Variants in SLC38A1 observed in about 807,000 individuals in gnomAD.
SLC38A1 encodes solute carrier family 38 member 1, also known as sodium-coupled neutral amino acid symporter 1.
SLC38A1 carries 18 observed loss-of-function variants against 60.3 expected under a neutral mutation model. The ratio of observed to expected loss-of-function variants is 0.30; its 90% CI spans 0.21 to 0.44. SLC38A1 has a LOEUF of 0.44. Among genes scored for constraint, SLC38A1 ranks in the 20% least tolerant of loss-of-function variants. SLC38A1 has a pLI of 1.00. For synonymous variants in SLC38A1, 196 were observed against 212.1 expected, an observed-to-expected ratio of 0.92 and a Z score of 0.66; for missense variants, 448 against 587.2, an observed-to-expected ratio of 0.76 and a Z score of 2.45.
intron 5 of SLC38A1, among the ~76,000 whole-genome samples, chr12:46,209,803 A>G (rs1473444742): frequency 1.3e-5 from 2 of 152,178 alleles, no homozygotes; most frequent in Admixed American, 6.5e-5. Flanking sequence ...TTGTTTTAGT[A>G]CATCTGGGTC....
In SLC38A1 at chr12:46,239,843, C is replaced by A. The variant is rs1245405025; in HGVS notation, c.-43G>T. 6.2e-7 allele frequency: 1 copy of A among 1,607,084 alleles called. No homozygotes were observed. The highest frequency in any genetic ancestry group is 1.3e-5 in the African/African-American group (1 of 74,854). On this transcript the variant is annotated 5_prime_UTR_variant, in exon 3 of 17. Transcript: ENST00000398637. ...AGTTTGAAAATTAGTCCAAATTTCT[C>A]CTGTTCTGAGTGTATTTAGAAGTAG...
At chr12:46,204,480 C>T (rs1324015320) in intron 10 of SLC38A1, 52 bp downstream of exon 10, 2 of 1,592,732 alleles carry the variant, frequency 1.3e-6, no homozygotes, top group African/African-American at 1.3e-5. Context: ...ATAATTATTA[C>T]ATGCCATTGT....
rs182696821 is a variant in SLC38A1 at position 46,252,708 on chromosome 12, G to T, written c.-208-9394C>A. On this transcript the variant is annotated intron_variant, in intron 1 of 16. Coordinates refer to ENST00000398637, the MANE Select transcript of SLC38A1 (RefSeq NM_030674.4). ...TCACTCATATATATATATAATTGTT[G>T]TATGGCCTTCCATGGTTTTTCTATG... Among the ~76,000 whole-genome samples the T allele has an allele frequency of 1.5e-3, 226 of 151,932 alleles. 1 individual carries two copies. Among genetic ancestry groups the T allele is most frequent in the Admixed American group, 3.7e-3 (57 of 15,256 alleles).
chr12:46,211,899 T>A (rs1354488716), intron 5 of SLC38A1, among the ~76,000 whole-genome samples: 2 of 152,204 alleles, frequency 1.3e-5, no homozygotes, highest in African/African-American at 4.8e-5. Flanking sequence ...AAAATTAATA[T>A]AAAGCAAAAC....
intron 2 of SLC38A1, among the ~76,000 whole-genome samples, chr12:46,242,047 TGA>T (rs1220583260): frequency 1.3e-5 from 2 of 152,182 alleles, no homozygotes; most frequent in East Asian, 1.9e-4. Flanking sequence ...TATATATATG[TGA>T]GTGTGTGTAT....
chr12:46,199,806 G>A (rs1253876832), intron 13 of SLC38A1, among the ~76,000 whole-genome samples: 1 of 152,066 alleles, frequency 6.6e-6, no homozygotes, highest in South Asian at 2.1e-4. Flanking sequence ...TCCTGCAAGG[G>A]CCTCTCACTG....
chr12:46,225,792 G>A (rs1378633374), intron 5 of SLC38A1, among the ~76,000 whole-genome samples: 1 of 152,284 alleles, frequency 6.6e-6, no homozygotes, highest in South Asian at 2.1e-4. Context: ...AGTCTAAGGT[G>A]AAAGACCCCA....
chr12:46,205,542 T>C (rs1186022325), intron 9 of SLC38A1, among the ~76,000 whole-genome samples: 2 of 152,120 alleles, frequency 1.3e-5, no homozygotes, highest in African/African-American at 4.8e-5. Context: ...AATACAAGCA[T>C]AAAAACAAGT....
intron 4 of SLC38A1, 45 bp downstream of exon 4, chr12:46,229,519 T>C: frequency 4.9e-6 from 7 of 1,440,670 alleles, no homozygotes; most frequent in Non-Finnish European, 6.8e-6. Context: ...TGTCCCAATT[T>C]ATATGATTAA....
At chr12:46,223,881 T>C (rs1190291741) in intron 5 of SLC38A1, among the ~76,000 whole-genome samples, 2 of 152,234 alleles carry the variant, frequency 1.3e-5, no homozygotes, top group Non-Finnish European at 2.9e-5. Flanking sequence ...CATTTATTGC[T>C]TTATCAGATT....
rs199710310 is a variant in SLC38A1 at position 46,229,540 on chromosome 12, A to G, written c.198+24T>C. 842 of 1,545,170 alleles carry G rather than the reference A, an allele frequency of 5.4e-4. 2 individuals carry two copies. In the African/African-American group the frequency reaches 1.0e-2, roughly 18 times the overall value. On this transcript the variant is annotated intron_variant, in intron 4 of 16. Coordinates refer to ENST00000398637, the MANE Select transcript of SLC38A1 (RefSeq NM_030674.4). ...AATTTATATGATTAAAAAAATAAGC[A>G]TACTTCATTATAATGATACTTACAT...
chr12:46,234,079 T>A (rs1262160262), intron 3 of SLC38A1, among the ~76,000 whole-genome samples: 1 of 152,198 alleles, frequency 6.6e-6, no homozygotes, highest in Non-Finnish European at 1.5e-5. Context: ...TCCCTATCAG[T>A]TCAAAACCCT....
At position 46,268,657 on chromosome 12, in the gene SLC38A1, T is replaced by A; in HGVS notation, c.-340A>T. On this transcript the variant is annotated 5_prime_UTR_variant, in exon 1 of 17. Transcript: ENST00000398637. This position sits in a 1 kb window ranked among gnomAD's most constrained non-coding sequence, Gnocchi z 4.4. ...GGAGGCCGGGAAAATGTGGCCCCCG[T>A]CAGTAAGGGTTGGGCAGGGAGCTTG... The A allele has an allele frequency of 4.1e-6, 1 of 243,124 alleles. No individual in the cohort carries two copies. Among genetic ancestry groups the A allele is most frequent in the South Asian group, 3.5e-5 (1 of 28,622 alleles). 15.1% of individuals were successfully genotyped at this position (243,124 alleles called of 1,614,324 possible).
chr12:46,238,630 A>T (rs1177518157), intron 3 of SLC38A1, among the ~76,000 whole-genome samples: 2 of 152,198 alleles, frequency 1.3e-5, no homozygotes, highest in East Asian at 3.8e-4. Flanking sequence ...AGCCACCTAG[A>T]CAATCAGTGG....
In SLC38A1 at chr12:46,207,142, G is replaced by C; in HGVS notation, c.563+13C>G. On this transcript the variant is annotated intron_variant, in intron 8 of 16. Transcript: ENST00000398637. ...ATTTTAGTTATATCATAAAAAAATG[G>C]TCTATAACTTACGAAAATGTCTCTT... 1 of 1,565,480 alleles carries C rather than the reference G, an allele frequency of 6.4e-7. No homozygotes were observed. The highest frequency in any genetic ancestry group is 8.8e-7 in the Non-Finnish European group (1 of 1,142,248).
chr12:46,239,765 C>A lies in SLC38A1; in HGVS notation c.36G>T (p.Glu12Asp). ...MHFKSGLELT[E>D]LQNMTVPEDD... ...CCTCGGGCACTGTCATGTTTTGCAA[C>A]TCAGTTAATTCGAGTCCACTTTTGA... The change falls in exon 3 of 17, where the codon GAG (glutamate) becomes GAT (aspartate). Residue 12 changes from glutamate (E) to aspartate (D), a missense_variant. By Grantham distance (45) the Glu-to-Asp change is conservative. Transcript: ENST00000398637. The A allele has an allele frequency of 6.2e-7, 1 of 1,613,340 alleles. No individual in the cohort carries two copies.
In SLC38A1 at chr12:46,188,908, T is replaced by C; in HGVS notation, c.*62A>G. The C allele has an allele frequency of 7.6e-7, 1 of 1,320,014 alleles. No individual in the cohort carries two copies. The allele number at this position is 1,320,014 out of a possible 1,614,324, so 81.8% of individuals were successfully genotyped here. ...AACTTGCAAAAGAAGTGGTGAGAGA[T>C]TGCTGATGTGTGGGGACTTGACTGA... On this transcript the variant is annotated 3_prime_UTR_variant, in exon 17 of 17. Transcript: ENST00000398637.
intron 16 of SLC38A1, among the ~76,000 whole-genome samples, chr12:46,192,616 T>C (rs1477662918): frequency 1.3e-5 from 2 of 152,198 alleles, no homozygotes; most frequent in Non-Finnish European, 2.9e-5. Context: ...CAGAACCTGA[T>C]ATTGATCTAT....
chr12:46,194,746 C>T (rs1048996097), intron 16 of SLC38A1, among the ~76,000 whole-genome samples: 3 of 152,114 alleles, frequency 2.0e-5, no homozygotes. Context: ...GCATGAGTCT[C>T]GAAGTTCTTG....
Sources: allele counts gnomAD v4.1 joint callset (sites outside exome capture counted in the v4.1 genomes callset), GRCh38; gene constraint gnomAD v4.1.1; non-coding constraint Gnocchi (gnomAD v3.1); transcripts MANE v1.5; gene names NCBI Gene and HGNC (gene_info 2026-07-23, HGNC 2026-07-21).